The following AGBL4 variants were observed in gnomAD, a reference collection of about 807,000 sequenced individuals.
AGBL4 encodes cytosolic carboxypeptidase 6.
A neutral mutation model predicts 66.4 loss-of-function variants in AGBL4; 58 were observed. The ratio of observed to expected loss-of-function variants is 0.87; its 90% CI spans 0.71 to 1.09. The LOEUF is 1.09. Ranked by LOEUF, AGBL4 falls within the 50% of genes least tolerant of loss-of-function variation. The pLI is 0.00. For synonymous variants in AGBL4, 234 were observed against 222.9 expected, an observed-to-expected ratio of 1.05 and a Z score of -0.44; for missense variants, 579 against 631.0, an observed-to-expected ratio of 0.92 and a Z score of 0.88.
At position 48,736,367 on chromosome 1, in the gene AGBL4, T is replaced by C. The variant is rs765799849; in HGVS notation, c.635-73126A>G. ...TGTTCCCCAAATCATAACTGCCAAG[T>C]TCTTCGTGTACTTGGAATCTCCTTG... On this transcript the variant is annotated intron_variant, in intron 6 of 13. Transcript: ENST00000371839. This position sits in a 1 kb window ranked among gnomAD's most constrained non-coding sequence, Gnocchi z 4.0. The C allele has an allele frequency of 4.3e-6, 7 of 1,614,046 alleles. No individual in the cohort carries two copies. Among genetic ancestry groups the C allele is most frequent in the Non-Finnish European group, 5.9e-6 (7 of 1,180,038 alleles).
chr1:49,303,699 C>T (rs1644798167), intron 3 of AGBL4, among the ~76,000 whole-genome samples: 1 of 152,104 alleles, frequency 6.6e-6, no homozygotes, highest in East Asian at 1.9e-4. Context: ...TGATCTCAAA[C>T]TCCTGGCCTC....
intron 2 of AGBL4, among the ~76,000 whole-genome samples, chr1:49,767,668 G>T (rs1643926215): frequency 6.6e-6 from 1 of 151,964 alleles, no homozygotes; most frequent in Non-Finnish European, 1.5e-5. Flanking sequence ...ACCAAAAGCT[G>T]TTTCTTTGAA....
intron 6 of AGBL4, among the ~76,000 whole-genome samples, chr1:48,750,227 A>T (rs1035464579): frequency 6.6e-6 from 1 of 152,012 alleles, no homozygotes; most frequent in African/African-American, 2.4e-5. Context: ...ACCCCAGCCC[A>T]CTCCAATGGG....
chr1:48,849,287 C>A (rs1646982587), intron 6 of AGBL4, among the ~76,000 whole-genome samples: 1 of 152,158 alleles, frequency 6.6e-6, no homozygotes, highest in African/African-American at 2.4e-5. Flanking sequence ...ACCTAAAGCA[C>A]TGGTACAAGC....
chr1:48,997,439 A>G (rs987790767), intron 5 of AGBL4, among the ~76,000 whole-genome samples: 6 of 152,180 alleles, frequency 3.9e-5, no homozygotes, highest in Non-Finnish European at 7.3e-5. Context: ...TAAGAATGAG[A>G]TAAAGTCACT....
intron 3 of AGBL4, among the ~76,000 whole-genome samples, chr1:49,255,965 C>T (rs1442571923): frequency 1.3e-5 from 2 of 152,032 alleles, no homozygotes; most frequent in African/African-American, 2.4e-5. Context: ...AATGATAACA[C>T]ATGGTCACAC....
intron 3 of AGBL4, among the ~76,000 whole-genome samples, chr1:49,466,645 T>C (rs1342231257): frequency 6.6e-6 from 1 of 151,800 alleles, no homozygotes; most frequent in East Asian, 1.9e-4. Context: ...ATTGAGTTTA[T>C]TCTCCTTCTA....
At chr1:48,634,807 C>T (rs1570082073) in intron 8 of AGBL4, among the ~76,000 whole-genome samples, 1 of 152,158 alleles carries the variant, frequency 6.6e-6, no homozygotes, top group East Asian at 1.9e-4. Context: ...TTGCAATTCC[C>T]ACTTTGCAGA....
intron 3 of AGBL4, among the ~76,000 whole-genome samples, chr1:49,454,627 A>G (rs1646350576): frequency 6.6e-6 from 1 of 151,738 alleles, no homozygotes; most frequent in Non-Finnish European, 1.5e-5. Context: ...AACTGCCTAC[A>G]TTGTCCCTTC....
Position 49,992,618 on chromosome 1 carries a change from T to C in AGBL4, c.34+31145A>G, listed in dbSNP as rs1286620618. Reference sequence around the variant, plus strand: ...ACATTCACTCCATCAAAGTTCCTTCTGCCTACCTTTCAATACTTTCCCTCA... The same window carrying C: ...ACATTCACTCCATCAAAGTTCCTTCCGCCTACCTTTCAATACTTTCCCTCA... On this transcript the variant is annotated intron_variant, in intron 1 of 13. Transcript: ENST00000371839. Among the ~76,000 whole-genome samples the C allele has an allele frequency of 2.6e-5, 4 of 152,042 alleles. No homozygotes were observed. The East Asian group carries it at 7.7e-4, about 29-fold the overall frequency.
chr1:49,270,709 A>G lies in AGBL4; in HGVS notation c.283-24845T>C, dbSNP rs967941363. On this transcript the variant is annotated intron_variant, in intron 3 of 13. Transcript: ENST00000371839. ...CCTATTTTTCTAAACCTAGAAAATT[A>G]CATCCTGGGCTTTCCATAATGAAGT... is the stretch of plus-strand genomic sequence containing the variant. Among the ~76,000 whole-genome samples, 24 of 152,172 alleles carry G rather than the reference A, an allele frequency of 1.6e-4. 1 individual carries two copies. Among genetic ancestry groups the G allele is most frequent in the African/African-American group, 5.8e-4 (24 of 41,438 alleles).
chr1:48,803,120 TG>T (rs749019186), intron 6 of AGBL4, among the ~76,000 whole-genome samples: 4 of 152,212 alleles, frequency 2.6e-5, no homozygotes, highest in Non-Finnish European at 5.9e-5. Flanking sequence ...TCACATGGCT[TG>T]GTTTCTGCCC....
intron 2 of AGBL4, chr1:49,841,871 C>T: frequency 1.7e-6 from 1 of 593,742 alleles, no homozygotes; most frequent in Non-Finnish European, 3.1e-6. Context: ...GCAGCCATTC[C>T]TGCCAGAAGC....
chr1:49,893,023 A>C (rs1557554752), intron 1 of AGBL4, among the ~76,000 whole-genome samples: 1 of 152,180 alleles, frequency 6.6e-6, no homozygotes, highest in Non-Finnish European at 1.5e-5. Flanking sequence ...GAGACACTAA[A>C]TAAAATACAT....
At chr1:49,863,294 G>A (rs991991408) in intron 1 of AGBL4, among the ~76,000 whole-genome samples, 1 of 152,054 alleles carries the variant, frequency 6.6e-6, no homozygotes, top group Non-Finnish European at 1.5e-5. Flanking sequence ...AATCAAAATT[G>A]GTTAAATACC....
At chr1:48,523,792 C>T in the AGBL4 span, among the ~76,000 whole-genome samples, 4 of 152,274 alleles carry the variant, frequency 2.6e-5, no homozygotes, top group African/African-American at 9.6e-5. Context: ...GTGATTTCAT[C>T]ATTGTGTGAA....
chr1:48,759,493 G>A (rs1411418851), intron 6 of AGBL4: 1 of 1,011,462 alleles, frequency 9.9e-7, no homozygotes, highest in African/African-American at 1.7e-5. Context: ...GAGTGGGGAA[G>A]GGGCTTGCCC....
intron 9 of AGBL4, among the ~76,000 whole-genome samples, chr1:48,621,741 A>G (rs570232214): frequency 6.6e-5 from 10 of 152,248 alleles, no homozygotes; most frequent in African/African-American, 2.4e-4. Context: ...TGAATGTATC[A>G]TGATTGACTC....
chr1:48,634,126 T>C (rs1051851875), intron 9 of AGBL4: 4 of 161,624 alleles, frequency 2.5e-5, no homozygotes, highest in African/African-American at 9.6e-5. Flanking sequence ...CAGGTTACAG[T>C]CTTCAATTAC....
Sources: gnomAD v4.1 joint callset for allele counts (sites outside exome capture counted in the v4.1 genomes callset) on GRCh38, gnomAD v4.1.1 for gene constraint, Gnocchi (gnomAD v3.1) non-coding constraint, MANE v1.5 for transcripts, NCBI Gene and HGNC (gene_info 2026-07-23, HGNC 2026-07-21) for gene names.